ENPP6: variants seen among roughly 807,000 people sequenced by gnomAD.
ENPP6 encodes ectonucleotide pyrophosphatase/phosphodiesterase 6, also known as glycerophosphocholine cholinephosphodiesterase ENPP6.
In ENPP6, 32 loss-of-function variants were observed where a neutral mutation model predicts 42.0. The ratio of observed to expected loss-of-function variants is 0.76; its 90% CI spans 0.58 to 1.02. The LOEUF is 1.02. Ranked by LOEUF, ENPP6 falls within the 50% of genes least tolerant of loss-of-function variation. ENPP6 has a pLI of 0.00. For missense variants in ENPP6, 552 were observed against 566.8 expected (o/e 0.97, Z 0.27); for synonymous variants, 213 against 216.0 (o/e 0.99, Z 0.12).
At chr4:184,192,038 T>C (rs1252759643) in intron 1 of ENPP6, among the ~76,000 whole-genome samples, 1 of 152,218 alleles carries the variant, frequency 6.6e-6, no homozygotes, top group East Asian at 1.9e-4. Context: ...TTAGTATTGT[T>C]AAGATGGCAA....
intron 1 of ENPP6, among the ~76,000 whole-genome samples, chr4:184,188,068 A>G (rs923553932): frequency 6.6e-6 from 1 of 152,220 alleles, no homozygotes; most frequent in East Asian, 1.9e-4. Flanking sequence ...GATGTATGGA[A>G]GCACAGGCCT....
At chr4:184,141,427 T>C (rs934014766) in intron 2 of ENPP6, among the ~76,000 whole-genome samples, 1 of 152,244 alleles carries the variant, frequency 6.6e-6, no homozygotes, top group Non-Finnish European at 1.5e-5. Flanking sequence ...CTCAGGGATC[T>C]GTGGGGAAGG....
At position 184,124,287 on chromosome 4, in the gene ENPP6, G is replaced by T. The variant is rs776028106; in HGVS notation, c.422-15C>A. 2.3e-5 allele frequency: 36 copies of T among 1,593,288 alleles called. No individual in the cohort carries two copies. The highest frequency in any genetic ancestry group is 2.7e-5 in the African/African-American group (2 of 74,484). ...AACCTCACAGCCTGAGAAGGAAAAAGATGGCAAATAGTTACTCTCTTCAAT... is the reference window on the plus strand; with the variant it reads ...AACCTCACAGCCTGAGAAGGAAAAATATGGCAAATAGTTACTCTCTTCAAT... On this transcript the variant is annotated splice_polypyrimidine_tract_variant and intron_variant, in intron 2 of 7. Transcript: ENST00000296741.
Position 184,097,334 on chromosome 4 carries a change from G to C in ENPP6, c.1028C>G (p.Thr343Ser). Residue 343 changes from threonine (T) to serine (S), a missense_variant, in exon 7 of 8, where the codon ACC (threonine) becomes AGC (serine). Physicochemically the swap from Thr to Ser is moderately conservative, Grantham distance 58. This residue lies in a region of ENPP6 where 545 missense variants were observed against 546.3 expected (regional missense o/e 1.00). Transcript: ENST00000296741. ...ACGCTGCCAACCTTCCCGCCTGCCG[G>C]TGCTGTTCATCCAAAACGGAAGCAT... Reference protein sequence around the residue: ...REMLPFWMNSTGRREGWQRGW... With the variant: ...REMLPFWMNSSGRREGWQRGW... 1.2e-6 allele frequency: 2 copies of C among 1,614,160 alleles called. No individual in the cohort carries two copies. Among genetic ancestry groups the C allele is most frequent in the Non-Finnish European group, 1.7e-6 (2 of 1,180,014 alleles).
intron 2 of ENPP6, among the ~76,000 whole-genome samples, chr4:184,139,447 C>T (rs938676253): frequency 2.7e-5 from 4 of 147,834 alleles, no homozygotes; most frequent in Non-Finnish European, 6.0e-5. Flanking sequence ...TGCTGGTGCG[C>T]TGCACCCACT....
intron 1 of ENPP6, among the ~76,000 whole-genome samples, chr4:184,193,949 C>A (rs6832838): frequency 1.3e-5 from 2 of 152,006 alleles, no homozygotes; most frequent in African/African-American, 4.8e-5. Context: ...AGAAGCTTTG[C>A]CTTTCCTTGA....
At chr4:184,193,999 C>T (rs1211073068) in intron 1 of ENPP6, among the ~76,000 whole-genome samples, 1 of 152,050 alleles carries the variant, frequency 6.6e-6, no homozygotes, top group Non-Finnish European at 1.5e-5. Flanking sequence ...TATTTTTGGC[C>T]TCTGTTGCCA....
intron 1 of ENPP6, among the ~76,000 whole-genome samples, chr4:184,214,080 G>A (rs922173754): frequency 7.4e-6 from 1 of 135,242 alleles, no homozygotes; most frequent in Non-Finnish European, 1.6e-5. Flanking sequence ...TCACACTCTG[G>A]GGACTGTTGT....
intron 2 of ENPP6, among the ~76,000 whole-genome samples, chr4:184,144,390 C>T (rs1736882861): frequency 6.6e-6 from 1 of 152,172 alleles, no homozygotes; most frequent in South Asian, 2.1e-4. Context: ...AACCAGGTCC[C>T]AGTGCAGGGA....
At chr4:184,202,880 A>G (rs931548150) in intron 1 of ENPP6, among the ~76,000 whole-genome samples, 1 of 152,226 alleles carries the variant, frequency 6.6e-6, no homozygotes, top group Non-Finnish European at 1.5e-5. Context: ...GAGTTTACAC[A>G]TATATTTGCT....
rs565862648 is a variant in ENPP6 at position 184,205,255 on chromosome 4, A to G, written c.241+12324T>C. Among the ~76,000 whole-genome samples the G allele has an allele frequency of 7.0e-4, 106 of 152,326 alleles. 1 individual carries two copies. Among genetic ancestry groups the G allele is most frequent in the African/African-American group, 2.2e-3 (93 of 41,574 alleles). ...GCCCACTATAATAAGTTTTATTTGG[A>G]GAAGACAGAAATAAATAATCTGGTG... On this transcript the variant is annotated intron_variant, in intron 1 of 7. Transcript: ENST00000296741.
At chr4:184,111,821 A>G (rs547643903) in intron 6 of ENPP6, among the ~76,000 whole-genome samples, 94 of 152,314 alleles carry the variant, frequency 6.2e-4, no homozygotes, top group Non-Finnish European at 1.2e-3. Flanking sequence ...TTGCCCAGTC[A>G]GCCTTCCTGC....
chr4:184,122,244 A>T (rs1435884744), intron 3 of ENPP6, among the ~76,000 whole-genome samples: 1 of 152,206 alleles, frequency 6.6e-6, no homozygotes, highest in East Asian at 1.9e-4. Flanking sequence ...GCTCAAGGCC[A>T]TCTACATAGA....
At position 184,089,543 on chromosome 4, in the gene ENPP6, A is replaced by G. The variant is rs1735749041; in HGVS notation, c.*1634T>C. On this transcript the variant is annotated 3_prime_UTR_variant, in exon 8 of 8. Transcript: ENST00000296741. The stretch of plus-strand genomic sequence containing the variant: ...CAGGCTGGAGTGCAGTGGTGTGATC[A>G]AAGCTCACTGCAGCCTTGACCTCCT... 2 of 152,480 alleles carry G rather than the reference A, an allele frequency of 1.3e-5. No homozygotes were observed. The highest frequency in any genetic ancestry group is 1.3e-4 in the Admixed American group (2 of 15,274). The allele number at this position is 152,480 out of a possible 1,614,324, so 9.4% of individuals were successfully genotyped here. A position where few individuals can be genotyped will look rare whatever the true frequency, so the allele number is the denominator to read the frequency against.
intron 2 of ENPP6, among the ~76,000 whole-genome samples, chr4:184,126,030 A>G (rs926927200): frequency 6.6e-6 from 1 of 152,232 alleles, no homozygotes; most frequent in African/African-American, 2.4e-5. Flanking sequence ...ACAGTCATGT[A>G]CAGTGTGACC....
In ENPP6 at chr4:184,153,702, C is replaced by G. The variant is rs1349038781; in HGVS notation, c.273G>C (p.Gly91=). The G allele has an allele frequency of 6.2e-7, 1 of 1,614,006 alleles. No individual in the cohort carries two copies. The highest frequency in any genetic ancestry group is 8.5e-7 in the Non-Finnish European group (1 of 1,180,018). The change falls in exon 2 of 8, where the codon GGG becomes GGC. Residue 91 remains glycine (G), a synonymous_variant. Coordinates refer to ENST00000296741, the MANE Select transcript of ENPP6 (RefSeq NM_153343.4). The part of the protein sequence containing the change: ...GRHCEVHQMI[G]NYMWDPTTNK... Reference sequence around the variant, plus strand: ...TGGTGGTGGGGTCCCACATGTAGTTCCCGATCATCTGATGGACTTCACAAT... The same window carrying G: ...TGGTGGTGGGGTCCCACATGTAGTTGCCGATCATCTGATGGACTTCACAAT...
intron 1 of ENPP6, among the ~76,000 whole-genome samples, chr4:184,198,606 C>T (rs1182450232): frequency 3.9e-5 from 6 of 152,184 alleles, no homozygotes; most frequent in Non-Finnish European, 1.5e-5. Context: ...CAAACCAAAG[C>T]ACAAAACATT....
At chr4:184,145,525 C>G (rs1186536033) in intron 2 of ENPP6, among the ~76,000 whole-genome samples, 1 of 152,188 alleles carries the variant, frequency 6.6e-6, no homozygotes, top group Non-Finnish European at 1.5e-5. Flanking sequence ...TGCTGTGATG[C>G]GATTATTTTT....
chr4:184,157,565 C>T (rs1296786264), intron 1 of ENPP6, among the ~76,000 whole-genome samples: 1 of 143,728 alleles, frequency 7.0e-6, no homozygotes, highest in East Asian at 2.0e-4. Context: ...CTCTTTCTTT[C>T]CTTTCTTTCC....
Sources: allele counts gnomAD v4.1 joint callset (sites outside exome capture counted in the v4.1 genomes callset), GRCh38; gene constraint gnomAD v4.1.1; regional missense constraint gnomAD v4.1.1; transcripts MANE v1.5; gene names NCBI Gene and HGNC (gene_info 2026-07-23, HGNC 2026-07-21).